AOPEP: variants seen among roughly 807,000 people sequenced by gnomAD.
The protein encoded by AOPEP is aminopeptidase O.
Under a neutral mutation model 98.1 loss-of-function variants are expected in AOPEP, and 77 were observed. The observed-to-expected ratio is 0.78, with a 90% CI of 0.65 to 0.95. The LOEUF is 0.95. AOPEP is among the 40% of genes least tolerant of loss of function. The pLI, the probability that AOPEP is intolerant of heterozygous loss-of-function variation, is 0.00. For synonymous variants in AOPEP, 346 were observed against 365.3 expected (o/e 0.95, Z 0.60); for missense variants, 1,024 against 1,024.7 (o/e 1.00, Z 0.01).
At chr9:95,080,903 G>A in intron 15 of AOPEP, 123 bp downstream of exon 15, 1 of 737,888 alleles carries the variant, frequency 1.4e-6, no homozygotes, top group Non-Finnish European at 2.4e-6. Context: ...AGATTCTTAA[G>A]GACTGGTGGG....
rs146064256 is a variant in AOPEP at position 95,014,907 on chromosome 9, A to G, written c.2115+9291A>G. On this transcript the variant is annotated intron_variant, in intron 13 of 16. Transcript: ENST00000375315. ...GTACATTTTCTTGAATTTATTGTAC[A>G]TAAGTCCCCCACGTAAGAGGCTGCT... 4.9e-3 allele frequency among the ~76,000 whole-genome samples: 751 copies of G among 152,362 alleles called. 3 individuals are homozygous for G. Among genetic ancestry groups the G allele is most frequent in the African/African-American group, 0.016 (685 of 41,580 alleles).
At chr9:94,742,815 G>GT (rs911383869) in intron 1 of AOPEP, among the ~76,000 whole-genome samples, 10 of 151,990 alleles carry the variant, frequency 6.6e-5, no homozygotes, top group East Asian at 1.9e-4. Flanking sequence ...GTAATTTTGT[G>GT]TTTTTTTCTT....
chr9:94,931,051 T>C (rs1278661704), intron 7 of AOPEP, among the ~76,000 whole-genome samples: 1 of 152,180 alleles, frequency 6.6e-6, no homozygotes, highest in African/African-American at 2.4e-5. Flanking sequence ...TGCATAACCA[T>C]AGTCCTTCAG....
intron 5 of AOPEP, among the ~76,000 whole-genome samples, chr9:94,866,134 G>T (rs953236374): frequency 1.3e-5 from 2 of 152,240 alleles, no homozygotes; most frequent in Non-Finnish European, 1.5e-5. Context: ...GCAGGAGTCG[G>T]CCTGAAGCCA....
chr9:95,117,554 CTCA>C, the AOPEP span, among the ~76,000 whole-genome samples: 1 of 151,994 alleles, frequency 6.6e-6, no homozygotes. Context: ...TCCCAATAAC[CTCA>C]TATTTTCCAG....
chr9:94,934,315 C>CTTTTTTTTTTTTTTTTTTTTTTT (rs974551445), intron 7 of AOPEP, among the ~76,000 whole-genome samples: 42 of 116,726 alleles, frequency 3.6e-4, no homozygotes, highest in African/African-American at 1.6e-3. Flanking sequence ...CTTCTCCCAT[C>CTTTTTTTTTTTTTTTTTTTTTTT]TTTTTTTTTT....
intron 5 of AOPEP, among the ~76,000 whole-genome samples, chr9:94,812,813 G>A (rs994841347): frequency 1.3e-5 from 2 of 152,130 alleles, no homozygotes; most frequent in Non-Finnish European, 2.9e-5. Flanking sequence ...TTCCCTTTTG[G>A]TTTTACAAGC....
At chr9:94,936,506 T>C (rs755669151) in intron 7 of AOPEP, among the ~76,000 whole-genome samples, 1 of 152,226 alleles carries the variant, frequency 6.6e-6, no homozygotes, top group Non-Finnish European at 1.5e-5. Context: ...TTGCAGTCAC[T>C]GAGCAGAAAA....
chr9:94,795,993 C>G (rs1383432826), intron 4 of AOPEP, among the ~76,000 whole-genome samples: 1 of 152,184 alleles, frequency 6.6e-6, no homozygotes, highest in African/African-American at 2.4e-5. Flanking sequence ...GACAAATTTA[C>G]CCACCCAGTT....
At chr9:94,875,523 C>T (rs1489751403) in intron 5 of AOPEP, among the ~76,000 whole-genome samples, 1 of 152,124 alleles carries the variant, frequency 6.6e-6, no homozygotes, top group Non-Finnish European at 1.5e-5. Flanking sequence ...GTTTATACCT[C>T]GACCTTTGCC....
In AOPEP at chr9:94,972,005, G is replaced by A. The variant is rs1245639210; in HGVS notation, c.1916+4204G>A. 6.6e-6 allele frequency among the ~76,000 whole-genome samples: 1 copy of A among 152,256 alleles called. No individual in the cohort carries two copies. Among genetic ancestry groups the A allele is most frequent in the East Asian group, 1.9e-4 (1 of 5,170 alleles). ...CCTGCCGAGGGCAGTGTGGCCGAGGGCAGTGTGGCAGAGAGATGGGGGCGG... is the reference window on the plus strand; with the variant it reads ...CCTGCCGAGGGCAGTGTGGCCGAGGACAGTGTGGCAGAGAGATGGGGGCGG... On this transcript the variant is annotated intron_variant, in intron 10 of 16. Transcript: ENST00000375315. This position sits in a 1 kb window ranked among gnomAD's most constrained non-coding sequence, Gnocchi z 4.2.
At chr9:94,879,142 G>A (rs2047295375) in intron 5 of AOPEP, among the ~76,000 whole-genome samples, 2 of 152,148 alleles carry the variant, frequency 1.3e-5, no homozygotes, top group African/African-American at 4.8e-5. Flanking sequence ...GGGAGGGTTG[G>A]AATCTTGTAG....
At chr9:95,064,448 G>A (rs796444952) in intron 14 of AOPEP, among the ~76,000 whole-genome samples, 14 of 152,206 alleles carry the variant, frequency 9.2e-5, no homozygotes, top group African/African-American at 1.4e-4. Flanking sequence ...CCACCACCAC[G>A]CCCAGCCAAT....
the AOPEP span, among the ~76,000 whole-genome samples, chr9:95,132,856 T>A: frequency 0.023 from 3,449 of 152,290 alleles, 141 homozygotes; most frequent in African/African-American, 0.079. Flanking sequence ...TTTGTTTTTG[T>A]TACATTTTGG....
At chr9:94,889,842 G>C (rs72748558) in intron 5 of AOPEP, among the ~76,000 whole-genome samples, 1 of 152,110 alleles carries the variant, frequency 6.6e-6, no homozygotes, top group Non-Finnish European at 1.5e-5. Context: ...CCATCATTTA[G>C]TGTTACCACT....
chr9:94,971,879 G>C lies in AOPEP; in HGVS notation c.1916+4078G>C, dbSNP rs147641205. ...TGCTCTGCTGAGGTTCAGAGTCCTG[G>C]GGACACAGAGAGGGTCCATCAGTCC... On this transcript the variant is annotated intron_variant, in intron 10 of 16. Transcript: ENST00000375315. 6.1e-3 allele frequency among the ~76,000 whole-genome samples: 926 copies of C among 152,314 alleles called. 6 individuals carry two copies. The highest frequency in any genetic ancestry group is 8.8e-3 in the Non-Finnish European group (596 of 68,028).
chr9:94,976,740 C>T (rs2059871469), intron 10 of AOPEP, among the ~76,000 whole-genome samples: 1 of 151,518 alleles, frequency 6.6e-6, no homozygotes, highest in East Asian at 1.9e-4. Context: ...GATCCAGGCT[C>T]ACTGCAACCT....
chr9:95,125,220 A>G, the AOPEP span: 9 of 1,557,102 alleles, frequency 5.8e-6, no homozygotes, highest in Non-Finnish European at 6.2e-6. Context: ...AACACGTTTA[A>G]CAAGTAATCC....
intron 11 of AOPEP, among the ~76,000 whole-genome samples, chr9:95,002,468 A>C (rs1419092490): frequency 4.6e-5 from 7 of 152,188 alleles, no homozygotes. Flanking sequence ...CCTAATGTAA[A>C]TTTGACTTTA....
Sources: allele counts gnomAD v4.1 joint callset (sites outside exome capture counted in the v4.1 genomes callset), GRCh38; gene constraint gnomAD v4.1.1; non-coding constraint Gnocchi (gnomAD v3.1); transcripts MANE v1.5; gene names NCBI Gene and HGNC (gene_info 2026-07-23, HGNC 2026-07-21).